DIP2C: variants seen among roughly 807,000 people sequenced by gnomAD.
The protein encoded by DIP2C is DIP2 acetate--CoA ligase C (putative).
A neutral mutation model predicts 192.4 loss-of-function variants in DIP2C; 33 were observed. The ratio of observed to expected loss-of-function variants is 0.17; its 90% CI spans 0.13 to 0.23. The LOEUF is 0.23. Ranked by LOEUF, DIP2C falls within the 10% of genes least tolerant of loss-of-function variation. The probability of loss-of-function intolerance (pLI) is 1.00; values close to 1 mark genes in which losing one functional copy is unlikely to be tolerated. For synonymous variants in DIP2C, 979 were observed against 864.1 expected (o/e 1.13, Z -2.33); for missense variants, 1,537 against 2,110.1 (o/e 0.73, Z 5.32).
chr10:349,266 G>C (rs1460678437), intron 25 of DIP2C, 65 bp downstream of exon 25: 5 of 1,563,912 alleles, frequency 3.2e-6, no homozygotes, highest in Non-Finnish European at 4.3e-6. Flanking sequence ...GGGTGTAAGG[G>C]ACCTCCTCGC....
At chr10:328,290 G>C (rs533980565) in intron 30 of DIP2C, among the ~76,000 whole-genome samples, 2 of 152,220 alleles carry the variant, frequency 1.3e-5, no homozygotes, top group African/African-American at 2.4e-5. Context: ...GCATGCAGCT[G>C]CAACAGCAGG....
At chr10:398,486 G>A (rs1185845158) in intron 10 of DIP2C, among the ~76,000 whole-genome samples, 1 of 152,166 alleles carries the variant, frequency 6.6e-6, no homozygotes, top group Non-Finnish European at 1.5e-5. Context: ...AATGTCTCAT[G>A]TGTCCCTAAA....
chr10:581,648 C>A (rs919475185), intron 1 of DIP2C, among the ~76,000 whole-genome samples: 1 of 152,180 alleles, frequency 6.6e-6, no homozygotes, highest in African/African-American at 2.4e-5. Flanking sequence ...GAACCCACCA[C>A]CACGAGAGAA....
intron 22 of DIP2C, among the ~76,000 whole-genome samples, chr10:361,907 C>T (rs190116747): frequency 1.3e-3 from 199 of 152,154 alleles, no homozygotes; most frequent in African/African-American, 4.2e-3. Flanking sequence ...CCACATTCCC[C>T]GTGTCAATCA....
intron 31 of DIP2C, among the ~76,000 whole-genome samples, chr10:321,649 G>A (rs1421204718): frequency 1.7e-3 from 124 of 72,166 alleles, no homozygotes; most frequent in African/African-American, 3.8e-3. Flanking sequence ...GCGAGAGACC[G>A]GCGCTGTTAG....
At chr10:628,528 C>T (rs1266961360) in intron 1 of DIP2C, 1 of 152,298 alleles carries the variant, frequency 6.6e-6, no homozygotes, top group Non-Finnish European at 1.5e-5. Context: ...AACGCTCTGT[C>T]CCTGGGAGCC....
At chr10:293,574 AAC>A (rs1955595109) in intron 32 of DIP2C, among the ~76,000 whole-genome samples, 2 of 152,266 alleles carry the variant, frequency 1.3e-5, no homozygotes, top group Non-Finnish European at 2.9e-5. Context: ...CAAGTTAATT[AAC>A]AGAGATGCTG....
At chr10:579,378 ATGTG>A (rs961008441) in intron 1 of DIP2C, among the ~76,000 whole-genome samples, 1 of 151,762 alleles carries the variant, frequency 6.6e-6, no homozygotes, top group Non-Finnish European at 1.5e-5. Flanking sequence ...CAAGTTCACT[ATGTG>A]TGTACAGTGT....
intron 2 of DIP2C, among the ~76,000 whole-genome samples, chr10:484,439 T>TA (rs1843846821): frequency 6.6e-6 from 1 of 152,240 alleles, no homozygotes; most frequent in Admixed American, 6.5e-5. Flanking sequence ...GGTCTTTGGC[T>TA]ATAAGATGAA....
At chr10:422,508 C>T (rs765266912) in intron 5 of DIP2C, among the ~76,000 whole-genome samples, 69 of 152,114 alleles carry the variant, frequency 4.5e-4, no homozygotes, top group Admixed American at 1.2e-3. Context: ...AGGACGAGCA[C>T]ATTTAAAACC....
In DIP2C at chr10:280,123, G is replaced by T. The variant is rs542157497; in HGVS notation, c.4418+1077C>A. On this transcript the variant is annotated intron_variant, in intron 36 of 36. Transcript: ENST00000280886. The stretch of plus-strand genomic sequence containing the variant: ...GGAAATCGACAATCTGAGGACTTTT[G>T]AGAGTAGGGGCTTAGCCAACTTGAG... Among the ~76,000 whole-genome samples, 3 of 152,270 alleles carry T rather than the reference G, an allele frequency of 2.0e-5. No homozygotes were observed. The South Asian group carries it at 6.2e-4, about 32-fold the overall frequency.
At chr10:476,146 G>A (rs1028532236) in intron 2 of DIP2C, among the ~76,000 whole-genome samples, 2 of 152,154 alleles carry the variant, frequency 1.3e-5, no homozygotes, top group African/African-American at 4.8e-5. Context: ...GTATCCCCAG[G>A]GAGATGGGGT....
chr10:382,736 A>G lies in DIP2C; in HGVS notation c.1902T>C (p.Phe634=), dbSNP rs1316627862. The G allele has an allele frequency of 3.7e-6, 6 of 1,613,500 alleles. No individual in the cohort carries two copies. ...GGCCTTTACTTTGGAAGACATTGAGAAATGCATCGCAAGAAGAAATAGACC... is the reference window on the plus strand; with the variant it reads ...GGCCTTTACTTTGGAAGACATTGAGGAATGCATCGCAAGAAGAAATAGACC... ...NPWSISSCDA[F]LNVFQSKGLR... The change falls in exon 17 of 37, where the codon TTT becomes TTC. Residue 634 remains phenylalanine, a synonymous_variant. Transcript: ENST00000280886.
intron 35 of DIP2C, 73 bp from the exon 36 acceptor site, chr10:281,396 A>T (rs549878614): frequency 6.6e-7 from 1 of 1,511,300 alleles, no homozygotes; most frequent in Admixed American, 2.1e-5. Flanking sequence ...TTCTTAAAAA[A>T]AGATTAAAAA....
At chr10:384,485 G>A in intron 15 of DIP2C, 61 bp downstream of exon 15, 1 of 1,543,498 alleles carries the variant, frequency 6.5e-7, no homozygotes, top group Non-Finnish European at 8.9e-7. Context: ...TGATCCACCT[G>A]CTTTGGCCTC....
intron 1 of DIP2C, among the ~76,000 whole-genome samples, chr10:578,047 T>C (rs1850289459): frequency 6.6e-6 from 1 of 152,198 alleles, no homozygotes; most frequent in African/African-American, 2.4e-5. Flanking sequence ...ACTACAATCT[T>C]AGATTTGAGA....
chr10:481,866 C>T (rs1021061514), intron 2 of DIP2C, among the ~76,000 whole-genome samples: 1 of 152,204 alleles, frequency 6.6e-6, no homozygotes, highest in Non-Finnish European at 1.5e-5. Flanking sequence ...TCAGCCCCTC[C>T]GTGCCGCACC....
rs552855392 is a variant in DIP2C, at chr10:587,206, A to G, written c.86-100676T>C. ...GGCAAACAGTGCAGGGTCTAAGGCC[A>G]GACTACCCGGGTCCCTGCTGACAGC... On this transcript the variant is annotated intron_variant, in intron 1 of 36. Coordinates refer to ENST00000280886, the MANE Select transcript of DIP2C (RefSeq NM_014974.3). 2.7e-3 allele frequency among the ~76,000 whole-genome samples: 366 copies of G among 135,852 alleles called. 1 individual carries two copies. The highest frequency in any genetic ancestry group is 0.012 in the Middle Eastern group (3 of 250). 89.1% of individuals were successfully genotyped at this position (135,852 alleles called of 152,430 possible).
At chr10:570,449 G>A (rs890526014) in intron 1 of DIP2C, among the ~76,000 whole-genome samples, 1 of 152,154 alleles carries the variant, frequency 6.6e-6, no homozygotes, top group Non-Finnish European at 1.5e-5. Context: ...GGGTCTGCAT[G>A]AATTGCTACC....
Sources: gnomAD v4.1 joint callset for allele counts (sites outside exome capture counted in the v4.1 genomes callset) on GRCh38, gnomAD v4.1.1 for gene constraint, MANE v1.5 for transcripts, NCBI Gene and HGNC (gene_info 2026-07-23, HGNC 2026-07-21) for gene names.